TRPM8: variants seen among roughly 807,000 people sequenced by gnomAD.
TRPM8 encodes TRPM8 cationic channel.
A neutral mutation model predicts 133.7 loss-of-function variants in TRPM8; 110 were observed. The ratio of observed to expected loss-of-function variants is 0.82; its 90% CI spans 0.70 to 0.96. The LOEUF (loss-of-function observed/expected upper bound fraction) is 0.96, where lower values mean the gene tolerates loss of function less well. Among genes scored for constraint, TRPM8 ranks in the 40% least tolerant of loss-of-function variants. TRPM8 has a pLI of 0.00. For synonymous variants in TRPM8, 535 were observed against 532.3 expected (o/e 1.01, Z -0.07); for missense variants, 1,291 against 1,379.5 (o/e 0.94, Z 1.02).
intron 14 of TRPM8, chr2:233,966,238 CG>C (rs374653257): frequency 1.8e-4 from 19 of 105,226 alleles, no homozygotes; most frequent in Middle Eastern, 7.9e-3. Context: ...GCTCTGATTA[CG>C]GGGGGGTCGG....
intron 17 of TRPM8, among the ~76,000 whole-genome samples, chr2:233,979,699 G>A (rs1310990718): frequency 6.6e-6 from 1 of 152,284 alleles, no homozygotes; most frequent in South Asian, 2.1e-4. Context: ...GTTATATACA[G>A]CACTTATGTG....
rs1692133420 is a variant in TRPM8, at chr2:233,985,784, A to T, written c.2858A>T (p.Glu953Val). 1 of 1,614,146 alleles carries T rather than the reference A, an allele frequency of 6.2e-7. No homozygotes were observed. Among genetic ancestry groups the T allele is most frequent in the Non-Finnish European group, 8.5e-7 (1 of 1,180,018 alleles). ...LDEHNLPRFP[E>V]WITIPLVCIY... Reference sequence around the variant, plus strand: ...GAGCACAACCTGCCCCGGTTCCCCGAGTGGATCACCATCCCCCTGGTGTGC... The same window carrying T: ...GAGCACAACCTGCCCCGGTTCCCCGTGTGGATCACCATCCCCCTGGTGTGC... The change falls in exon 21 of 26, where the codon GAG (glutamate) becomes GTG (valine). Residue 953 changes from glutamate (E) to valine (V), a missense_variant. By Grantham distance (121) the Glu-to-Val change is moderately radical. Transcript: ENST00000324695.
intron 4 of TRPM8, 36 bp from the exon 5 acceptor site, chr2:233,938,962 A>G (rs556123919): frequency 6.2e-7 from 1 of 1,601,234 alleles, no homozygotes; most frequent in South Asian, 1.1e-5. Flanking sequence ...AGGAGAACAC[A>G]GGCCTATCCT....
intron 24 of TRPM8, among the ~76,000 whole-genome samples, chr2:234,009,690 C>T (rs1157145696): frequency 6.6e-6 from 1 of 152,170 alleles, no homozygotes. Flanking sequence ...ATTTCCCCCT[C>T]TGTCCTCTTA....
At chr2:234,010,302 G>A (rs867464477) in intron 24 of TRPM8, among the ~76,000 whole-genome samples, 1 of 152,136 alleles carries the variant, frequency 6.6e-6, no homozygotes, top group South Asian at 2.1e-4. Flanking sequence ...TGTGGAAAAT[G>A]GCAGCATTTC....
Position 233,937,436 on chromosome 2 carries a change from A to G in TRPM8, c.275A>G (p.Lys92Arg), listed in dbSNP as rs775224513. ...QINQSEKWNY[K>R]KHTKEFPTDA... ...AACCAAAGTGAGAAATGGAACTACAAGAAACACACCAAGGAATTTCCTACC... is the reference window on the plus strand; with the variant it reads ...AACCAAAGTGAGAAATGGAACTACAGGAAACACACCAAGGAATTTCCTACC... Residue 92 changes from lysine to arginine, a missense_variant, in exon 4 of 26, where the codon AAG becomes AGG. Around this residue, in one of 2 missense-constraint regions of TRPM8, gnomAD observed 963 missense variants for 968.9 expected, o/e 0.99. Coordinates refer to ENST00000324695, the MANE Select transcript of TRPM8 (RefSeq NM_024080.5). 1.4e-5 allele frequency: 22 copies of G among 1,614,208 alleles called. No homozygotes were observed. The South Asian group carries it at 2.2e-4, about 16-fold the overall frequency.
chr2:233,921,401 T>C (rs1351317623), intron 1 of TRPM8, among the ~76,000 whole-genome samples: 2 of 152,144 alleles, frequency 1.3e-5, no homozygotes, highest in Non-Finnish European at 2.9e-5. Context: ...TTGAAGTTAG[T>C]TTATGGATGC....
chr2:233,972,912 T>C (rs1255231010), intron 17 of TRPM8, among the ~76,000 whole-genome samples: 2 of 152,096 alleles, frequency 1.3e-5, no homozygotes, highest in Non-Finnish European at 2.9e-5. Context: ...AGAAAGGGGC[T>C]CCCACAGTGC....
At chr2:233,934,351 G>A (rs532866052) in intron 3 of TRPM8, among the ~76,000 whole-genome samples, 3 of 152,306 alleles carry the variant, frequency 2.0e-5, no homozygotes, top group Non-Finnish European at 2.9e-5. Context: ...AGAGAGACGG[G>A]AGCAGCTCTT....
intron 13 of TRPM8, 131 bp downstream of exon 13, chr2:233,963,508 A>G (rs1487683358): frequency 3.3e-6 from 2 of 608,430 alleles, no homozygotes; most frequent in Non-Finnish European, 5.7e-6. Flanking sequence ...TCAGATGAAC[A>G]TGGTCTCTGT....
Position 233,966,834 on chromosome 2 carries a change from T to C in TRPM8, c.2025+79T>C, listed in dbSNP as rs948648606. On this transcript the variant is annotated intron_variant, in intron 15 of 25. Coordinates refer to ENST00000324695, the MANE Select transcript of TRPM8 (RefSeq NM_024080.5). ...AGATGCTACTAGCAGCATTAAACAA[T>C]AGTAAAAACAAACCTTATTCTCCAA... The C allele has an allele frequency of 6.3e-6, 9 of 1,419,214 alleles. No individual in the cohort carries two copies. The Admixed American group carries it at 8.9e-5, about 14-fold the overall frequency. 87.9% of individuals were successfully genotyped at this position (1,419,214 alleles called of 1,614,324 possible). A position where few individuals can be genotyped will look rare whatever the true frequency, so the allele number is the denominator to read the frequency against.
rs1304765720 is a variant in TRPM8, at chr2:233,983,043, CCCCTGACAG to C, written c.2590-8_2590del. 6.2e-7 allele frequency: 1 copy of C among 1,609,040 alleles called. No homozygotes were observed. The highest frequency in any genetic ancestry group is 8.5e-7 in the Non-Finnish European group (1 of 1,176,078). The stretch of plus-strand genomic sequence containing the variant: ...GGTCCTGACTCCGCTCTCCTGTCCT[CCCCTGACAG>C]CTGATCGATGTGTTCTTCTTCCTGT... On this transcript the variant is annotated splice_acceptor_variant and splice_polypyrimidine_tract_variant and intron_variant, in intron 19 of 25. Coordinates refer to ENST00000324695, the MANE Select transcript of TRPM8 (RefSeq NM_024080.5). LOFTEE classifies it high-confidence loss of function.
Position 233,963,318 on chromosome 2 carries a change from C to G in TRPM8, c.1690C>G (p.Leu564Val), listed in dbSNP as rs769651448. Residue 564 changes from leucine (L) to valine (V), a missense_variant, in exon 13 of 26, where the codon CTC becomes GTC. Coordinates refer to ENST00000324695, the MANE Select transcript of TRPM8 (RefSeq NM_024080.5). ...TATTACTCGGCACCCCCTGCAAGCT[C>G]TCTTCATCTGGGCCATTCTTCAGAA... ...SPITRHPLQA[L>V]FIWAILQNKK... is the part of the protein sequence containing the mutation. 6.2e-7 allele frequency: 1 copy of G among 1,613,702 alleles called. No homozygotes were observed. The highest frequency in any genetic ancestry group is 8.5e-7 in the Non-Finnish European group (1 of 1,179,802).
intron 24 of TRPM8, among the ~76,000 whole-genome samples, chr2:234,010,343 A>G (rs1313402376): frequency 1.3e-5 from 2 of 152,208 alleles, no homozygotes; most frequent in East Asian, 3.8e-4. Context: ...AAAATATTCC[A>G]TTATAGGTAT....
rs1270704391 is a variant in TRPM8 at position 233,960,759 on chromosome 2, C to G, written c.1363-17C>G. 2 of 1,610,344 alleles carry G rather than the reference C, an allele frequency of 1.2e-6. No individual in the cohort carries two copies. The highest frequency in any genetic ancestry group is 1.7e-5 in the Admixed American group (1 of 59,904). On this transcript the variant is annotated splice_polypyrimidine_tract_variant and intron_variant, in intron 11 of 25. Coordinates refer to ENST00000324695, the MANE Select transcript of TRPM8 (RefSeq NM_024080.5). ...TTTTATAGTATTGTTAGTACTGTCT[C>G]TGTTCTTTCTCCTTAGTCTGCTGAC...
intron 5 of TRPM8, among the ~76,000 whole-genome samples, chr2:233,939,776 G>C (rs934431476): frequency 2.0e-5 from 3 of 152,174 alleles, no homozygotes; most frequent in African/African-American, 2.4e-5. Flanking sequence ...GTCTCAACTT[G>C]TTCCATAAAT....
chr2:234,005,193 A>C (rs1198655933), intron 22 of TRPM8, among the ~76,000 whole-genome samples: 3 of 150,128 alleles, frequency 2.0e-5, no homozygotes, highest in Non-Finnish European at 4.4e-5. Context: ...CTGGTCCCCC[A>C]TTACCCTAAG....
intron 22 of TRPM8, among the ~76,000 whole-genome samples, chr2:233,997,354 C>A (rs1692434485): frequency 6.6e-6 from 1 of 152,170 alleles, no homozygotes; most frequent in Non-Finnish European, 1.5e-5. Flanking sequence ...AGGTGAGACT[C>A]CTCCTCCCTG....
intron 3 of TRPM8, among the ~76,000 whole-genome samples, chr2:233,931,327 C>A (rs1457764209): frequency 6.6e-6 from 1 of 152,146 alleles, no homozygotes; most frequent in African/African-American, 2.4e-5. Context: ...GCATTTGAAT[C>A]TAATTAAACA....
Sources: gnomAD v4.1 joint callset for allele counts (sites outside exome capture counted in the v4.1 genomes callset) on GRCh38, gnomAD v4.1.1 for gene constraint, gnomAD v4.1.1 regional missense constraint, MANE v1.5 for transcripts, NCBI Gene and HGNC (gene_info 2026-07-23, HGNC 2026-07-21) for gene names.